ADAMTS17: variants seen among roughly 807,000 people sequenced by gnomAD.
ADAMTS17 encodes ADAM metallopeptidase with thrombospondin type 1 motif 17.
ADAMTS17 carries 113 observed loss-of-function variants against 141.5 expected under a neutral mutation model. That is an observed-to-expected ratio of 0.80 (90% CI 0.69 to 0.93). The LOEUF (loss-of-function observed/expected upper bound fraction) is 0.93. Ranked by LOEUF, ADAMTS17 falls within the 40% of genes least tolerant of loss-of-function variation. ADAMTS17 has a pLI of 0.00. For missense variants in ADAMTS17, 1,659 were observed against 1,517.9 expected, an observed-to-expected ratio of 1.09 and a Z score of -1.54; for synonymous variants, 768 against 630.6, an observed-to-expected ratio of 1.22 and a Z score of -3.27.
intron 8 of ADAMTS17, among the ~76,000 whole-genome samples, chr15:100,182,376 C>T (rs570654623): frequency 6.7e-4 from 102 of 152,238 alleles, no homozygotes; most frequent in African/African-American, 1.7e-3. Flanking sequence ...GGGGATTACG[C>T]GATTACAATT....
chr15:100,089,005 G>A (rs199848547), intron 15 of ADAMTS17, among the ~76,000 whole-genome samples: 21,197 of 147,016 alleles, frequency 0.14, 2,051 homozygotes, highest in East Asian at 0.5. Context: ...TAATTCAACT[G>A]AAGAGCTTCT....
chr15:100,187,545 G>T (rs575619397), intron 8 of ADAMTS17, among the ~76,000 whole-genome samples: 114 of 152,284 alleles, frequency 7.5e-4, no homozygotes, highest in Admixed American at 4.0e-3. Context: ...GGACTTTATG[G>T]TTTACTCTGA....
At chr15:100,108,024 G>A (rs1042503121) in intron 14 of ADAMTS17, among the ~76,000 whole-genome samples, 7 of 152,106 alleles carry the variant, frequency 4.6e-5, no homozygotes, top group Admixed American at 2.0e-4. Flanking sequence ...GGAGGTGCTC[G>A]TTCTGAGGGA....
At chr15:100,136,184 A>C (rs1464218894) in intron 10 of ADAMTS17, among the ~76,000 whole-genome samples, 1 of 152,256 alleles carries the variant, frequency 6.6e-6, no homozygotes, top group Non-Finnish European at 1.5e-5. Context: ...AATGCCCATC[A>C]AGAGCAGAAC....
At chr15:100,091,260 A>G (rs1040394852) in intron 15 of ADAMTS17, among the ~76,000 whole-genome samples, 8 of 152,018 alleles carry the variant, frequency 5.3e-5, no homozygotes, top group African/African-American at 1.9e-4. Context: ...GCCAGATACC[A>G]CCACACTGCC....
At chr15:100,161,649 G>A (rs1237790515) in intron 8 of ADAMTS17, among the ~76,000 whole-genome samples, 1 of 152,192 alleles carries the variant, frequency 6.6e-6, no homozygotes, top group African/African-American at 2.4e-5. Flanking sequence ...TAACAGGCCA[G>A]CTCTGCACCA....
At chr15:100,254,274 A>G (rs2043252385) in intron 6 of ADAMTS17, 95 bp from the exon 7 acceptor site, 1 of 1,168,362 alleles carries the variant, frequency 8.6e-7, no homozygotes, top group Non-Finnish European at 1.3e-6. Context: ...TCATCCTGCA[A>G]TGTTATTTTT....
chr15:100,033,362 C>T (rs2030373959), intron 18 of ADAMTS17, among the ~76,000 whole-genome samples: 1 of 152,160 alleles, frequency 6.6e-6, no homozygotes, highest in African/African-American at 2.4e-5. Context: ...TGAAAGTTCC[C>T]ATCCAAGAGT....
At chr15:100,263,425 T>G (rs2043600101) in intron 4 of ADAMTS17, among the ~76,000 whole-genome samples, 1 of 152,214 alleles carries the variant, frequency 6.6e-6, no homozygotes, top group African/African-American at 2.4e-5. Flanking sequence ...AGTTTGTCAC[T>G]GAAATAAATT....
At chr15:100,106,873 G>A (rs1039668985) in intron 14 of ADAMTS17, among the ~76,000 whole-genome samples, 4 of 152,186 alleles carry the variant, frequency 2.6e-5, no homozygotes, top group East Asian at 3.9e-4. Context: ...CATACTGCCC[G>A]ACGGGCAGGG....
At chr15:100,107,564 C>T (rs554159611) in intron 14 of ADAMTS17, among the ~76,000 whole-genome samples, 3 of 152,234 alleles carry the variant, frequency 2.0e-5, no homozygotes, top group Admixed American at 2.0e-4. Flanking sequence ...GTTGAATCAC[C>T]AGCCCTCAAG....
intron 4 of ADAMTS17, among the ~76,000 whole-genome samples, chr15:100,276,922 T>C (rs2044116996): frequency 6.6e-6 from 1 of 152,146 alleles, no homozygotes. Flanking sequence ...GGAGGTGGTC[T>C]TGTTTAAACA....
chr15:100,341,953 T>G lies in ADAMTS17; in HGVS notation c.-54A>C. 1.8e-5 allele frequency: 27 copies of G among 1,530,406 alleles called. No individual in the cohort carries two copies. The highest frequency in any genetic ancestry group is 2.3e-5 in the Non-Finnish European group (26 of 1,131,862). The allele number at this position is 1,530,406 out of a possible 1,614,324, so 94.8% of individuals were successfully genotyped here. On this transcript the variant is annotated 5_prime_UTR_variant, in exon 1 of 22. Coordinates refer to ENST00000268070, the MANE Select transcript of ADAMTS17 (RefSeq NM_139057.4). Reference sequence around the variant, plus strand: ...CCGTGGCGGCGAAGCAGGAGCGCGCTAGGCGGCGGCGCCAGCCGGAGTGAA... The same window carrying G: ...CCGTGGCGGCGAAGCAGGAGCGCGCGAGGCGGCGGCGCCAGCCGGAGTGAA...
chr15:100,055,705 G>A (rs183540646), intron 15 of ADAMTS17, among the ~76,000 whole-genome samples: 68 of 152,322 alleles, frequency 4.5e-4, no homozygotes, highest in Admixed American at 1.2e-3. Context: ...TGAAAAGGAG[G>A]TGAGAATGTT....
rs542483315 is a variant in ADAMTS17 at position 100,109,577 on chromosome 15, T to TG, written c.1889-462dup. On this transcript the variant is annotated intron_variant, in intron 13 of 21. Coordinates refer to ENST00000268070, the MANE Select transcript of ADAMTS17 (RefSeq NM_139057.4). ...ACAGTAGCTTTGGTAAGAGCTTCAG[T>TG]GCTCCCCTAGCTGCTGGGTGACAGT... Among the ~76,000 whole-genome samples the TG allele has an allele frequency of 5.3e-5, 8 of 152,192 alleles. No homozygotes were observed. The East Asian group carries it at 1.5e-3, about 29-fold the overall frequency.
intron 4 of ADAMTS17, among the ~76,000 whole-genome samples, chr15:100,273,945 A>ATT (rs1369077090): frequency 1.3e-5 from 2 of 152,122 alleles, no homozygotes; most frequent in East Asian, 3.9e-4. Flanking sequence ...CTCTTTGGTT[A>ATT]TTTAATAGTA....
chr15:100,017,005 G>A (rs777392232), intron 18 of ADAMTS17, among the ~76,000 whole-genome samples: 1 of 152,134 alleles, frequency 6.6e-6, no homozygotes, highest in Non-Finnish European at 1.5e-5. Context: ...GGGTGGACGC[G>A]TCTGAGCTCA....
chr15:100,205,774 A>AG (rs2041522135), intron 7 of ADAMTS17, among the ~76,000 whole-genome samples: 1 of 152,220 alleles, frequency 6.6e-6, no homozygotes, highest in Admixed American at 6.5e-5. Context: ...GCACACGCCT[A>AG]GGGGAAGCAG....
chr15:99,971,842 A>G lies in ADAMTS17; in HGVS notation c.*2560T>C, dbSNP rs10468183. The G allele has an allele frequency of 0.38, 57,826 of 152,218 alleles. 12,357 individuals are homozygous for G. The highest frequency in any genetic ancestry group is 0.48 in the Non-Finnish European group (32,769 of 68,000). 9.4% of individuals were successfully genotyped at this position (152,218 alleles called of 1,614,324 possible). A position where few individuals can be genotyped will look rare whatever the true frequency, so the allele number is the denominator to read the frequency against. On this transcript the variant is annotated 3_prime_UTR_variant, in exon 22 of 22. Coordinates refer to ENST00000268070, the MANE Select transcript of ADAMTS17 (RefSeq NM_139057.4). The stretch of plus-strand genomic sequence containing the variant: ...CAGTACTCGAGGGACAGTACAGGGT[A>G]TTAACACAGAAACATCACTGCTGTG...
Sources: gnomAD v4.1 joint callset for allele counts (sites outside exome capture counted in the v4.1 genomes callset) on GRCh38, gnomAD v4.1.1 for gene constraint, MANE v1.5 for transcripts, NCBI Gene and HGNC (gene_info 2026-07-23, HGNC 2026-07-21) for gene names.